CLNS1A: variants seen among roughly 807,000 people sequenced by gnomAD.
CLNS1A encodes the protein chloride nucleotide-sensitive channel 1A, also known as methylosome subunit pICln.
CLNS1A carries 16 observed loss-of-function variants against 29.4 expected under a neutral mutation model. That is an observed-to-expected ratio of 0.54 (90% CI 0.37 to 0.83). The LOEUF (loss-of-function observed/expected upper bound fraction) is 0.83. Among genes scored for constraint, CLNS1A ranks in the 40% least tolerant of loss-of-function variants. The probability of loss-of-function intolerance (pLI) is 0.00; values close to 1 mark genes in which losing one functional copy is unlikely to be tolerated. For synonymous variants in CLNS1A, 96 were observed against 104.8 expected (o/e 0.92, Z 0.51); for missense variants, 235 against 287.4 (o/e 0.82, Z 1.32).
In CLNS1A at chr11:77,622,523, T is replaced by C. The variant is rs1164504956; in HGVS notation, c.623A>G (p.Glu208Gly). 6.2e-7 allele frequency: 1 copy of C among 1,601,092 alleles called. No homozygotes were observed. Among genetic ancestry groups the C allele is most frequent in the African/African-American group, 1.3e-5 (1 of 74,364 alleles). ...SQYNMAGVRT[E>G]DSIRDYEDGM... is the part of the protein sequence containing the mutation. Reference sequence around the variant, plus strand: ...ACCTTCATAATCTCTTATTGAATCTTCTGTCCTGACCCCAGCCATATTATA... The same window carrying C: ...ACCTTCATAATCTCTTATTGAATCTCCTGTCCTGACCCCAGCCATATTATA... The change falls in exon 5 of 7, where the codon GAA becomes GGA. Residue 208 changes from glutamate to glycine, a missense_variant. Glu to Gly is a moderately conservative substitution (Grantham distance 98). Transcript: ENST00000525428.
chr11:77,622,511 C>T lies in CLNS1A; in HGVS notation c.635G>A (p.Arg212Lys). Residue 212 changes from arginine to lysine, a missense_variant, in exon 5 of 7, where the codon AGA becomes AAA. By Grantham distance (26) the Arg-to-Lys change is conservative (BLOSUM62 2). Coordinates refer to ENST00000525428, the MANE Select transcript of CLNS1A (RefSeq NM_001293.3). ...MAGVRTEDSI[R>K]DYEDGMEVDT... ...AAAAGGACACTCACCTTCATAATCT[C>T]TTATTGAATCTTCTGTCCTGACCCC... 1.9e-6 allele frequency: 3 copies of T among 1,593,596 alleles called. No individual in the cohort carries two copies. The highest frequency in any genetic ancestry group is 2.6e-6 in the Non-Finnish European group (3 of 1,173,504).
Position 77,622,508 on chromosome 11 carries a change from T to A in CLNS1A, c.638A>T (p.Asp213Val). ...AGVRTEDSIR[D>V]YEDGMEVDTT... ...TGCAAAAGGACACTCACCTTCATAATCTCTTATTGAATCTTCTGTCCTGAC... is the reference window on the plus strand; with the variant it reads ...TGCAAAAGGACACTCACCTTCATAAACTCTTATTGAATCTTCTGTCCTGAC... Residue 213 changes from aspartate (D) to valine (V), a missense_variant, in exon 5 of 7, where the codon GAT (aspartate) becomes GTT (valine). Transcript: ENST00000525428. 1 of 1,589,098 alleles carries A rather than the reference T, an allele frequency of 6.3e-7. No individual in the cohort carries two copies. The highest frequency in any genetic ancestry group is 8.5e-7 in the Non-Finnish European group (1 of 1,171,486).
intron 1 of CLNS1A, among the ~76,000 whole-genome samples, chr11:77,631,162 AG>A (rs1237551750): frequency 3.9e-5 from 6 of 152,138 alleles, no homozygotes; most frequent in Admixed American, 6.5e-5. Context: ...GTTCAGTGGA[AG>A]GGGAGGATGA....
intron 1 of CLNS1A, among the ~76,000 whole-genome samples, chr11:77,635,808 C>T (rs1959119072): frequency 6.6e-6 from 1 of 152,208 alleles, no homozygotes; most frequent in Non-Finnish European, 1.5e-5. Flanking sequence ...TCCACCACTT[C>T]AAAGAAACTG....
At chr11:77,635,124 G>T (rs1959111498) in intron 1 of CLNS1A, among the ~76,000 whole-genome samples, 1 of 152,066 alleles carries the variant, frequency 6.6e-6, no homozygotes. Context: ...TTTAAAAGCT[G>T]ATAAGAACTT....
At chr11:77,618,390 C>T (rs181094140) in intron 6 of CLNS1A, 1 of 152,224 alleles carries the variant, frequency 6.6e-6, no homozygotes, top group African/African-American at 2.4e-5. Context: ...AGCTAAAAAT[C>T]AAAGTTAACA....
intron 1 of CLNS1A, among the ~76,000 whole-genome samples, chr11:77,634,101 CAAA>C (rs202191382): frequency 8.1e-6 from 1 of 122,834 alleles, no homozygotes; most frequent in Non-Finnish European, 1.8e-5. Flanking sequence ...AACTTCATCT[CAAA>C]AAAAAAAAAA....
rs926087289 is a variant in CLNS1A, at chr11:77,615,811, T to A, written c.*907A>T. On this transcript the variant is annotated 3_prime_UTR_variant, in exon 7 of 7. Coordinates refer to ENST00000525428, the MANE Select transcript of CLNS1A (RefSeq NM_001293.3). The stretch of plus-strand genomic sequence containing the variant: ...AGAAGGTTAGCTTGTATAACCTTAT[T>A]TTTAAGGACACATAATGATTTCAAA... The A allele has an allele frequency of 6.6e-5, 10 of 152,206 alleles. No homozygotes were observed. Among genetic ancestry groups the A allele is most frequent in the Non-Finnish European group, 5.9e-5 (4 of 68,030 alleles). 9.4% of individuals were successfully genotyped at this position (152,206 alleles called of 1,614,324 possible). A position where few individuals can be genotyped will look rare whatever the true frequency, so the allele number is the denominator to read the frequency against.
At position 77,628,755 on chromosome 11, in the gene CLNS1A, C is replaced by T. The variant is rs138184262; in HGVS notation, c.262+1008G>A. Among the ~76,000 whole-genome samples the T allele has an allele frequency of 9.2e-5, 14 of 152,264 alleles. No individual in the cohort carries two copies. The East Asian group carries it at 1.7e-3, about 19-fold the overall frequency. On this transcript the variant is annotated intron_variant, in intron 2 of 6. Coordinates refer to ENST00000525428, the MANE Select transcript of CLNS1A (RefSeq NM_001293.3). ...CACACTACTTCAAAGAAAAGCAACC[C>T]GTTATTTTAAACATGAGCATCTTCA... is the stretch of plus-strand genomic sequence containing the variant.
At chr11:77,622,747 C>T in intron 4 of CLNS1A, 74 bp from the exon 5 acceptor site, 2 of 1,195,230 alleles carry the variant, frequency 1.7e-6, no homozygotes, top group Non-Finnish European at 2.3e-6. Flanking sequence ...AATATATCTG[C>T]CGCCAGCCTG....
intron 2 of CLNS1A, among the ~76,000 whole-genome samples, chr11:77,629,396 T>C (rs35437532): frequency 6.6e-6 from 1 of 151,912 alleles, no homozygotes; most frequent in African/African-American, 2.4e-5. Context: ...GACTCTTTTT[T>C]TTCTTTTTTT....
intron 3 of CLNS1A, chr11:77,625,330 C>G (rs1161838008): frequency 2.0e-6 from 1 of 498,222 alleles, no homozygotes; most frequent in Admixed American, 3.8e-5. Context: ...CTGCTGGCAT[C>G]AGGGTGAAGG....
At chr11:77,627,465 T>C (rs1016274303) in intron 2 of CLNS1A, among the ~76,000 whole-genome samples, 2 of 148,636 alleles carry the variant, frequency 1.3e-5, no homozygotes, top group Admixed American at 6.7e-5. Flanking sequence ...AAAAAGGAAC[T>C]GGAGAATTAG....
intron 2 of CLNS1A, among the ~76,000 whole-genome samples, 179 bp downstream of exon 2, chr11:77,629,581 AGAC>A (rs1420627779): frequency 6.6e-6 from 1 of 152,050 alleles, no homozygotes; most frequent in Non-Finnish European, 1.5e-5. Flanking sequence ...TTTTTAGTAG[AGAC>A]GGGTTTTCAC....
intron 1 of CLNS1A, among the ~76,000 whole-genome samples, chr11:77,630,971 T>C (rs1959067743): frequency 6.6e-6 from 1 of 152,218 alleles, no homozygotes; most frequent in African/African-American, 2.4e-5. Context: ...TTAAACTGTA[T>C]GCTATATGAA....
intron 2 of CLNS1A, among the ~76,000 whole-genome samples, chr11:77,627,413 T>C (rs1019477210): frequency 2.1e-4 from 31 of 147,214 alleles, no homozygotes; most frequent in African/African-American, 7.6e-4. Flanking sequence ...CACTCCAGCC[T>C]GGCGACAGAG....
intron 1 of CLNS1A, among the ~76,000 whole-genome samples, chr11:77,635,213 G>A (rs537344200): frequency 6.6e-6 from 1 of 152,282 alleles, no homozygotes; most frequent in African/African-American, 2.4e-5. Context: ...TGAACAGGAA[G>A]TGGAAAACGT....
chr11:77,632,279 A>G (rs939321240), intron 1 of CLNS1A, among the ~76,000 whole-genome samples: 1 of 152,218 alleles, frequency 6.6e-6, no homozygotes, highest in African/African-American at 2.4e-5. Flanking sequence ...TCTGATCTCA[A>G]AAATTTTCTG....
intron 1 of CLNS1A, 38 bp from the exon 2 acceptor site, chr11:77,629,937 T>C: frequency 6.2e-7 from 1 of 1,604,160 alleles, no homozygotes; most frequent in Non-Finnish European, 8.5e-7. Flanking sequence ...TTTTAGAAAG[T>C]AAATCCTCAT....
Sources: gnomAD v4.1 joint callset for allele counts (sites outside exome capture counted in the v4.1 genomes callset) on GRCh38, gnomAD v4.1.1 for gene constraint, MANE v1.5 for transcripts, NCBI Gene and HGNC (gene_info 2026-07-23, HGNC 2026-07-21) for gene names.